CELF2: variants seen among roughly 807,000 people sequenced by gnomAD.
The protein encoded by CELF2 is CUG triplet repeat RNA-binding protein 2.
CELF2 carries 8 observed loss-of-function variants against 62.6 expected under a neutral mutation model. The ratio of observed to expected loss-of-function variants is 0.13; its 90% CI spans 0.07 to 0.23. CELF2 has a LOEUF of 0.23. CELF2 is among the 10% of genes least tolerant of loss of function. CELF2 has a pLI of 1.00. For missense variants in CELF2, 333 were observed against 671.0 expected, an observed-to-expected ratio of 0.50 and a Z score of 5.56; for synonymous variants, 258 against 250.0, an observed-to-expected ratio of 1.03 and a Z score of -0.30.
chr10:10,582,150 T>A, the CELF2 span, among the ~76,000 whole-genome samples: 1 of 152,224 alleles, frequency 6.6e-6, no homozygotes, highest in Non-Finnish European at 1.5e-5. Context: ...GACCTTTTCC[T>A]ATCATACTTT....
the CELF2 span, among the ~76,000 whole-genome samples, chr10:10,672,464 G>C: frequency 1.3e-5 from 2 of 148,242 alleles, no homozygotes; most frequent in African/African-American, 4.9e-5. Context: ...TTTCTGTGAA[G>C]GGTAGAAGGT....
chr10:10,748,500 G>A, the CELF2 span, among the ~76,000 whole-genome samples: 1 of 152,066 alleles, frequency 6.6e-6, no homozygotes, highest in Non-Finnish European at 1.5e-5. Flanking sequence ...TGTAATCCCA[G>A]CACTTTGGGA....
At chr10:10,773,444 T>C in the CELF2 span, among the ~76,000 whole-genome samples, 1 of 152,242 alleles carries the variant, frequency 6.6e-6, no homozygotes, top group East Asian at 1.9e-4. Context: ...AATTATAACA[T>C]TCAAAATTCC....
intron 1 of CELF2, among the ~76,000 whole-genome samples, chr10:10,829,425 C>G (rs1186631143): frequency 6.6e-6 from 1 of 152,140 alleles, no homozygotes; most frequent in Non-Finnish European, 1.5e-5. Context: ...GCTATATCAC[C>G]CCATATCTGA....
intron 1 of CELF2, among the ~76,000 whole-genome samples, chr10:10,862,222 A>G (rs1019923459): frequency 6.6e-6 from 1 of 152,172 alleles, no homozygotes; most frequent in African/African-American, 2.4e-5. Context: ...GTGGCTTAAA[A>G]CAGTCCTTTT....
At chr10:10,841,010 A>G (rs184822412) in intron 1 of CELF2, among the ~76,000 whole-genome samples, 24 of 152,266 alleles carry the variant, frequency 1.6e-4, no homozygotes, top group Admixed American at 1.4e-3. Flanking sequence ...GTCCCTGCAA[A>G]GGACATGAGC....
intron 1 of CELF2, among the ~76,000 whole-genome samples, chr10:10,847,190 T>G (rs2059069734): frequency 6.6e-6 from 1 of 151,816 alleles, no homozygotes; most frequent in Admixed American, 6.6e-5. Context: ...ATAATGTATG[T>G]TTTTTATATA....
intron 5 of CELF2, among the ~76,000 whole-genome samples, chr10:11,258,968 GCCACCGCAC>G (rs1028864137): frequency 6.6e-6 from 1 of 152,248 alleles, no homozygotes; most frequent in Non-Finnish European, 1.5e-5. Flanking sequence ...ACAGGCGTGA[GCCACCGCAC>G]CCAGCCTGTG....
chr10:10,548,784 G>A, the CELF2 span, among the ~76,000 whole-genome samples: 2 of 152,104 alleles, frequency 1.3e-5, no homozygotes, highest in Non-Finnish European at 2.9e-5. Context: ...GATTTTAAAA[G>A]GATGTTTAGG....
chr10:11,275,862 A>G (rs2085870697), intron 8 of CELF2, among the ~76,000 whole-genome samples: 1 of 152,152 alleles, frequency 6.6e-6, no homozygotes, highest in African/African-American at 2.4e-5. Flanking sequence ...GAAGGCAGCG[A>G]GCGCAATAAA....
chr10:10,902,033 C>T (rs556635381), intron 1 of CELF2, among the ~76,000 whole-genome samples: 2 of 152,178 alleles, frequency 1.3e-5, no homozygotes, highest in African/African-American at 2.4e-5. Context: ...AGTGAGCTAC[C>T]ACTATCCATA....
chr10:10,533,179 A>T, the CELF2 span, among the ~76,000 whole-genome samples: 3 of 152,224 alleles, frequency 2.0e-5, no homozygotes, highest in Non-Finnish European at 4.4e-5. Flanking sequence ...TGTGGAGAGT[A>T]TGATTTACAG....
the CELF2 span, among the ~76,000 whole-genome samples, chr10:10,576,976 A>C: frequency 6.6e-6 from 1 of 152,208 alleles, no homozygotes; most frequent in African/African-American, 2.4e-5. Flanking sequence ...ATTCACTCCC[A>C]TTACCTCAGC....
At chr10:11,192,712 G>A (rs1234312582) in intron 2 of CELF2, among the ~76,000 whole-genome samples, 1 of 152,162 alleles carries the variant, frequency 6.6e-6, no homozygotes, top group African/African-American at 2.4e-5. Flanking sequence ...TCTTTTCACC[G>A]AGTTCACATG....
chr10:10,712,214 T>C, the CELF2 span, among the ~76,000 whole-genome samples: 1 of 144,736 alleles, frequency 6.9e-6, no homozygotes, highest in Non-Finnish European at 1.5e-5. Context: ...GGCCTTTGAA[T>C]GGCAGGTCAT....
intron 1 of CELF2, among the ~76,000 whole-genome samples, chr10:10,816,427 A>G (rs966683428): frequency 6.6e-6 from 1 of 152,238 alleles, no homozygotes; most frequent in African/African-American, 2.4e-5. Context: ...GATTACAGCA[A>G]TCAAGATGTT....
At chr10:10,612,500 A>T in the CELF2 span, among the ~76,000 whole-genome samples, 3 of 152,150 alleles carry the variant, frequency 2.0e-5, no homozygotes, top group Admixed American at 1.3e-4. Flanking sequence ...AAAATGAACC[A>T]TTCTGATTAG....
chr10:10,919,131 G>A (rs532103535), intron 1 of CELF2, among the ~76,000 whole-genome samples: 21 of 152,168 alleles, frequency 1.4e-4, no homozygotes, highest in South Asian at 1.0e-3. Flanking sequence ...TTAGCTGCAC[G>A]TGGTGGCACA....
chr10:11,013,872 T>C (rs1183704320), upstream of CELF2, among the ~76,000 whole-genome samples: 1 of 152,206 alleles, frequency 6.6e-6, no homozygotes, highest in Non-Finnish European at 1.5e-5. This position sits in a 1 kb window ranked among gnomAD's most constrained non-coding sequence, Gnocchi z 4.1. Flanking sequence ...CACTTAAGGA[T>C]ATGTTTGGGG....
Sources: gnomAD v4.1 joint callset for allele counts (sites outside exome capture counted in the v4.1 genomes callset) on GRCh38, gnomAD v4.1.1 for gene constraint, Gnocchi (gnomAD v3.1) non-coding constraint, MANE v1.5 for transcripts, NCBI Gene and HGNC (gene_info 2026-07-23, HGNC 2026-07-21) for gene names.